PFKFB3: variants seen among roughly 807,000 people sequenced by gnomAD.
The protein encoded by PFKFB3 is 6-phosphofructo-2-kinase/fructose-2,6-biphosphatase 3.
A neutral mutation model predicts 68.0 loss-of-function variants in PFKFB3; 33 were observed. The observed-to-expected ratio is 0.49, with a 90% confidence interval of 0.37 to 0.65. PFKFB3 has a LOEUF of 0.65. PFKFB3 is among the 30% of genes least tolerant of loss of function. The pLI, the probability that PFKFB3 is intolerant of heterozygous loss-of-function variation, is 0.00. For missense variants in PFKFB3, 586 were observed against 712.2 expected (o/e 0.82, Z 2.02); for synonymous variants, 315 against 288.2 (o/e 1.09, Z -0.94).
the PFKFB3 span, among the ~76,000 whole-genome samples, chr10:6,291,104 T>C: frequency 6.6e-6 from 1 of 151,460 alleles, no homozygotes; most frequent in Non-Finnish European, 1.5e-5. Flanking sequence ...CAGGATAAAG[T>C]GTCCTGTCAT....
At chr10:6,195,400 G>A (rs959984926) in intron 1 of PFKFB3, among the ~76,000 whole-genome samples, 2 of 152,168 alleles carry the variant, frequency 1.3e-5, no homozygotes, top group African/African-American at 4.8e-5. Flanking sequence ...CTGAGGAATT[G>A]TCTGGCAAGA....
At chr10:6,238,072 G>A (rs1020135221), downstream of PFKFB3, among the ~76,000 whole-genome samples, 1 of 151,984 alleles carries the variant, frequency 6.6e-6, no homozygotes, top group Non-Finnish European at 1.5e-5. Flanking sequence ...AAAGACACCC[G>A]AATCGCCTCA....
At chr10:6,186,734 G>A (rs919722440) in intron 1 of PFKFB3, among the ~76,000 whole-genome samples, 7 of 152,164 alleles carry the variant, frequency 4.6e-5, no homozygotes, top group Non-Finnish European at 1.0e-4. Flanking sequence ...CTGGTCTCAA[G>A]CCATCCTCCC....
At chr10:6,192,504 G>A (rs1020069118) in intron 1 of PFKFB3, among the ~76,000 whole-genome samples, 7 of 151,992 alleles carry the variant, frequency 4.6e-5, no homozygotes, top group Non-Finnish European at 1.0e-4. Context: ...TCCGTGGCAT[G>A]TGTTTACACT....
At position 6,233,008 on chromosome 10, in the gene PFKFB3, G is replaced by T; in HGVS notation, c.*66G>T. ...TTAGCTTGTGTCCTGCCCTCCGCCC[G>T]AGGCAAAACGTATCCTGAGGACTTC... is the stretch of plus-strand genomic sequence containing the variant. On this transcript the variant is annotated 3_prime_UTR_variant, in exon 15 of 15. Transcript: ENST00000379775. The T allele has an allele frequency of 7.9e-7, 1 of 1,266,136 alleles. No homozygotes were observed. The highest frequency in any genetic ancestry group is 1.2e-5 in the South Asian group (1 of 84,012). 78.4% of individuals were successfully genotyped at this position (1,266,136 alleles called of 1,614,324 possible).
chr10:6,289,615 G>A, the PFKFB3 span, among the ~76,000 whole-genome samples: 1 of 151,498 alleles, frequency 6.6e-6, no homozygotes, highest in East Asian at 1.9e-4. Context: ...TAGCCTTGTA[G>A]TATAGTTTGA....
At chr10:6,255,136 CT>C (rs957924157), downstream of PFKFB3, among the ~76,000 whole-genome samples, 6 of 140,068 alleles carry the variant, frequency 4.3e-5, no homozygotes, top group Non-Finnish European at 7.7e-5. Flanking sequence ...TTCTTTTCTT[CT>C]TCTTTTTTTT....
intron 1 of PFKFB3, among the ~76,000 whole-genome samples, chr10:6,197,019 C>G (rs1588455640): frequency 6.6e-6 from 1 of 151,930 alleles, no homozygotes; most frequent in Non-Finnish European, 1.5e-5. Context: ...GAGTCTTGCT[C>G]TGTCCCCCAG....
At chr10:6,156,413 C>G (rs1316229645) in intron 1 of PFKFB3, among the ~76,000 whole-genome samples, 2 of 151,982 alleles carry the variant, frequency 1.3e-5, no homozygotes, top group African/African-American at 4.8e-5. Flanking sequence ...ACCTTGGCCT[C>G]CCAAAGTGCT....
Position 6,166,783 on chromosome 10 carries a change from G to T in PFKFB3, c.16+21770G>T, listed in dbSNP as rs372465844. Among the ~76,000 whole-genome samples, 4 of 150,506 alleles carry T rather than the reference G, an allele frequency of 2.7e-5. No individual in the cohort carries two copies. In the South Asian group the frequency reaches 6.3e-4, roughly 24 times the overall value. On this transcript the variant is annotated intron_variant, in intron 1 of 14. Coordinates refer to the PFKFB3 transcript ENST00000379789. ...ACAAATGTGGTCACAGTATTCCACT[G>T]CAGTCCACCTTTCCCACTTCTCCTA...
At chr10:6,225,318 C>A in intron 13 of PFKFB3, 1 of 414,818 alleles carries the variant, frequency 2.4e-6, no homozygotes, top group Non-Finnish European at 5.0e-6. Context: ...CCGCCCCAGT[C>A]GCTGGCAGTT....
the PFKFB3 span, among the ~76,000 whole-genome samples, chr10:6,301,216 G>T: frequency 6.6e-6 from 1 of 152,126 alleles, no homozygotes; most frequent in Non-Finnish European, 1.5e-5. Context: ...TGGTGACTTG[G>T]AATTGACTTT....
At chr10:6,219,947 C>T (rs753929794) in intron 7 of PFKFB3, among the ~76,000 whole-genome samples, 15 of 152,114 alleles carry the variant, frequency 9.9e-5, no homozygotes, top group Non-Finnish European at 1.8e-4. Flanking sequence ...TCCTTGATGA[C>T]AAATCATATT....
chr10:6,153,182 AAGAAAG>A (rs774733426), intron 1 of PFKFB3, among the ~76,000 whole-genome samples: 3 of 86,260 alleles, frequency 3.5e-5, no homozygotes, highest in African/African-American at 6.7e-5. Flanking sequence ...AGAAAAAAGA[AAGAAAG>A]AAAGAAAGAA....
chr10:6,150,340 G>A (rs1841533366), intron 1 of PFKFB3, among the ~76,000 whole-genome samples: 1 of 152,114 alleles, frequency 6.6e-6, no homozygotes, highest in Admixed American at 6.5e-5. Context: ...ATCCTTATAG[G>A]CCAGGCACGG....
At chr10:6,168,839 C>T (rs544457249) in intron 1 of PFKFB3, among the ~76,000 whole-genome samples, 125 of 152,348 alleles carry the variant, frequency 8.2e-4, no homozygotes, top group Non-Finnish European at 3.7e-4. Flanking sequence ...CCCCAGTGGT[C>T]TGACTTACAT....
chr10:6,183,612 A>ATATAT (rs1554843838), intron 1 of PFKFB3, among the ~76,000 whole-genome samples: 9 of 55,232 alleles, frequency 1.6e-4, no homozygotes, highest in African/African-American at 6.0e-4. Flanking sequence ...AAAAAAAAAA[A>ATATAT]AAATATATAT....
intron 1 of PFKFB3, among the ~76,000 whole-genome samples, chr10:6,194,614 G>A (rs796598989): frequency 1.2e-4 from 19 of 152,280 alleles, no homozygotes; most frequent in Middle Eastern, 3.4e-3. Flanking sequence ...AGCCAGTAGC[G>A]CCATCTGATA....
At chr10:6,286,812 ACT>A in the PFKFB3 span, among the ~76,000 whole-genome samples, 1 of 149,180 alleles carries the variant, frequency 6.7e-6, no homozygotes, top group Non-Finnish European at 1.5e-5. Context: ...TTTTTTTTCC[ACT>A]CTTTTTTCTG....
Sources: allele counts gnomAD v4.1 joint callset (sites outside exome capture counted in the v4.1 genomes callset), GRCh38; gene constraint gnomAD v4.1.1; transcripts MANE v1.5; gene names NCBI Gene and HGNC (gene_info 2026-07-23, HGNC 2026-07-21).